SHROOM2: variants seen among roughly 807,000 people sequenced by gnomAD.
The protein encoded by SHROOM2 is protein Shroom2.
SHROOM2 carries 33 observed loss-of-function variants against 75.9 expected under a neutral mutation model. The observed-to-expected ratio is 0.43, with a 90% CI of 0.33 to 0.58. SHROOM2 has a LOEUF of 0.58. Among genes scored for constraint, SHROOM2 ranks in the 20% least tolerant of loss-of-function variants. The pLI is 0.04. For synonymous variants in SHROOM2, 655 were observed against 663.6 expected (o/e 0.99, Z 0.20); for missense variants, 1,434 against 1,461.2 (o/e 0.98, Z 0.30).
intron 2 of SHROOM2, among the ~76,000 whole-genome samples, chrX:9,888,352 T>G (rs111488855): frequency 0.03 from 3,370 of 112,247 alleles, 140 homozygotes; most frequent in African/African-American, 0.1. Flanking sequence ...GGCTGCCTGG[T>G]GTCGCTTTCC....
chrX:9,932,310 G>A lies in SHROOM2; in HGVS notation c.3027G>A (p.Arg1009=), dbSNP rs2084656197. Residue 1009 remains arginine, a synonymous_variant, in exon 6 of 10, where the codon CGG becomes CGA. Transcript: ENST00000380913. ...CCCCAGAGCTGCCCCGGGAGGGCCG[G>A]GGCCGAGCGGGAACCCTACCTCGAG... The part of the protein sequence containing the change: ...RGAPELPREG[R]GRAGTLPRDY... The A allele has an allele frequency of 1.7e-6, 2 of 1,205,487 alleles. No individual in the cohort carries two copies. The highest frequency in any genetic ancestry group is 3.5e-5 in the South Asian group (2 of 56,384).
chrX:9,837,195 G>T (rs1772805868), intron 1 of SHROOM2, among the ~76,000 whole-genome samples: 1 of 112,635 alleles, frequency 8.9e-6, no homozygotes, highest in Non-Finnish European at 1.9e-5. Context: ...ACGGGAGGGG[G>T]TCTCGGCTCT....
chrX:9,799,108 C>A (rs1169759278), intron 1 of SHROOM2, among the ~76,000 whole-genome samples: 1 of 106,472 alleles, frequency 9.4e-6, no homozygotes, highest in African/African-American at 3.5e-5. Context: ...GGATGCACCT[C>A]CTTGTACCCT....
At chrX:9,790,756 C>T (rs2083643070) in intron 1 of SHROOM2, among the ~76,000 whole-genome samples, 1 of 111,556 alleles carries the variant, frequency 9.0e-6, no homozygotes, top group South Asian at 3.8e-4. Flanking sequence ...GCTGAAAGAC[C>T]CTTTCAGTTG....
At chrX:9,887,346 T>G (rs1453994855) in intron 2 of SHROOM2, among the ~76,000 whole-genome samples, 1 of 112,297 alleles carries the variant, frequency 8.9e-6, no homozygotes, top group East Asian at 2.8e-4. Context: ...TTCCTGGATA[T>G]TTTCAGAAGC....
At chrX:9,905,250 G>A (rs1008685426) in intron 5 of SHROOM2, among the ~76,000 whole-genome samples, 19 of 112,424 alleles carry the variant, frequency 1.7e-4, no homozygotes, top group African/African-American at 5.5e-4. Flanking sequence ...CTCAGAAATC[G>A]ATTTAGCTCA....
chrX:9,891,245 T>G (rs1569159620), intron 3 of SHROOM2, 137 bp downstream of exon 3: 2 of 785,680 alleles, frequency 2.5e-6, no homozygotes, highest in East Asian at 7.7e-5. Flanking sequence ...GGGCTCTGAA[T>G]TTTTGACTGA....
Position 9,886,562 on chromosome X carries a change from A to G in SHROOM2, c.318-4415A>G, listed in dbSNP as rs143499755. The stretch of plus-strand genomic sequence containing the variant: ...TCTCCAGAAACTTGTTTCATCTTGC[A>G]AAACAGAGGCTCTATATGCATTAAA... On this transcript the variant is annotated intron_variant, in intron 2 of 9. Coordinates refer to ENST00000380913, the MANE Select transcript of SHROOM2 (RefSeq NM_001649.4). 7.6e-3 allele frequency among the ~76,000 whole-genome samples: 854 copies of G among 111,926 alleles called. 14 individuals are homozygous for G. The East Asian group carries it at 0.093, about 12-fold the overall frequency.
chrX:9,878,454 G>T (rs183657002), intron 2 of SHROOM2, among the ~76,000 whole-genome samples: 214 of 112,248 alleles, frequency 1.9e-3, no homozygotes, highest in African/African-American at 6.8e-3. Context: ...TGCATTTGAA[G>T]AGAAGAGGCT....
chrX:9,807,205 C>G (rs759177890), intron 1 of SHROOM2, among the ~76,000 whole-genome samples: 1 of 112,122 alleles, frequency 8.9e-6, no homozygotes, highest in Admixed American at 9.5e-5. Context: ...ACAGCCAGCC[C>G]CGTCGCCATG....
At chrX:9,929,547 T>TCTTGCTC (rs2147050959) in intron 5 of SHROOM2, among the ~76,000 whole-genome samples, 1 of 111,644 alleles carries the variant, frequency 9.0e-6, no homozygotes, top group Non-Finnish European at 1.9e-5. Context: ...TTGCTCCATG[T>TCTTGCTC]CATTGTTCAC....
chrX:9,806,823 A>G (rs1488631773), intron 1 of SHROOM2, among the ~76,000 whole-genome samples: 1 of 109,709 alleles, frequency 9.1e-6, no homozygotes, highest in East Asian at 2.9e-4. Flanking sequence ...TCCCGGGTTC[A>G]AGCAATTCTC....
chrX:9,888,693 G>A (rs2084274703), intron 2 of SHROOM2, among the ~76,000 whole-genome samples: 1 of 111,653 alleles, frequency 9.0e-6, no homozygotes, highest in Non-Finnish European at 1.9e-5. Flanking sequence ...ATCCTCCCAC[G>A]GCAGTCTCTC....
At chrX:9,890,619 G>A (rs1260712526) in intron 2 of SHROOM2, among the ~76,000 whole-genome samples, 3 of 112,824 alleles carry the variant, frequency 2.7e-5, no homozygotes, top group Non-Finnish European at 3.8e-5. Context: ...TGGCTCGAGC[G>A]CGCACGCGCT....
intron 1 of SHROOM2, among the ~76,000 whole-genome samples, chrX:9,792,047 AAT>A (rs1351640336): frequency 7.7e-4 from 1 of 1,302 alleles, no homozygotes; most frequent in African/African-American, 2.1e-3. Flanking sequence ...AATAGAATAG[AAT>A]AGAATAGAAT....
At chrX:9,854,689 G>A (rs974511736) in intron 1 of SHROOM2, among the ~76,000 whole-genome samples, 2 of 110,523 alleles carry the variant, frequency 1.8e-5, no homozygotes, top group Non-Finnish European at 3.8e-5. Flanking sequence ...GTTTTTAAGA[G>A]TGGGAATCAC....
chrX:9,833,608 C>CTGTGTGTGTGTGTGTGTGTGTGTGTG (rs144161839), intron 1 of SHROOM2, among the ~76,000 whole-genome samples: 6 of 95,372 alleles, frequency 6.3e-5, no homozygotes, highest in Admixed American at 4.7e-4. Flanking sequence ...CAAGTAGACT[C>CTGTGTGTGTGTGTGTGTGTGTGTGTG]TGTGTGTGTG....
At chrX:9,786,763 G>C (rs1415789381) in intron 1 of SHROOM2, 53 bp downstream of exon 1, 14 of 834,569 alleles carry the variant, frequency 1.7e-5, no homozygotes, top group Non-Finnish European at 2.0e-5. Context: ...GCCGCCCTGC[G>C]GGGCGCGTCG....
chrX:9,936,548 G>T (rs745633663), intron 6 of SHROOM2, among the ~76,000 whole-genome samples: 5 of 112,239 alleles, frequency 4.5e-5, no homozygotes, highest in Admixed American at 9.4e-5. Context: ...GCGGGCGGGG[G>T]GTACAAGGAC....
Sources: allele counts gnomAD v4.1 joint callset (sites outside exome capture counted in the v4.1 genomes callset), GRCh38; gene constraint gnomAD v4.1.1; transcripts MANE v1.5; gene names NCBI Gene and HGNC (gene_info 2026-07-23, HGNC 2026-07-21).